Variants in KLHL4 observed in about 807,000 individuals in gnomAD.
KLHL4 encodes the protein kelch like family member 4.
In KLHL4, 17 loss-of-function variants were observed where a neutral mutation model predicts 45.8. The observed-to-expected ratio is 0.37, with a 90% CI of 0.25 to 0.56. The LOEUF (loss-of-function observed/expected upper bound fraction) is 0.56, where lower values mean the gene tolerates loss of function less well. Among genes scored for constraint, KLHL4 ranks in the 20% least tolerant of loss-of-function variants. The pLI is 0.79. For synonymous variants in KLHL4, 224 were observed against 189.9 expected (o/e 1.18, Z -1.47); for missense variants, 544 against 544.9 (o/e 1.00, Z 0.02).
intron 1 of KLHL4, among the ~76,000 whole-genome samples, chrX:87,559,378 T>G (rs1361220161): frequency 9.0e-6 from 1 of 111,587 alleles, no homozygotes; most frequent in Non-Finnish European, 1.9e-5. Flanking sequence ...GAAAATCCTG[T>G]TACGTTGACA....
At chrX:87,630,342 AT>A (rs777310235) in intron 6 of KLHL4, among the ~76,000 whole-genome samples, 2 of 109,640 alleles carry the variant, frequency 1.8e-5, no homozygotes, top group African/African-American at 3.3e-5. Flanking sequence ...TTGGGATGAA[AT>A]TTTTTTTTCT....
chrX:87,542,185 T>A (rs1172509298), intron 1 of KLHL4, among the ~76,000 whole-genome samples: 1 of 112,229 alleles, frequency 8.9e-6, no homozygotes, highest in Admixed American at 9.5e-5. Context: ...TTGGAACTTA[T>A]GTTTAAAAGG....
At position 87,570,867 on chromosome X, in the gene KLHL4, G is replaced by T. The variant is rs778952136; in HGVS notation, c.423-43010G>T. ...AATATTTGGGAGGTAGGATTAAATG[G>T]AATTTGGCAGTATGTCAGGAAAGAT... is the stretch of plus-strand genomic sequence containing the variant. On this transcript the variant is annotated intron_variant, in intron 1 of 10. Transcript: ENST00000373119. 3.6e-5 allele frequency among the ~76,000 whole-genome samples: 4 copies of T among 110,416 alleles called. No individual in the cohort carries two copies. The South Asian group carries it at 1.5e-3, about 42-fold the overall frequency.
intron 1 of KLHL4, among the ~76,000 whole-genome samples, chrX:87,611,236 A>T: frequency 9.0e-6 from 1 of 111,727 alleles, no homozygotes; most frequent in Non-Finnish European, 1.9e-5. Context: ...TAACCACAAA[A>T]ATATTAAAGA....
At chrX:87,533,996 C>A (rs1410022549) in intron 1 of KLHL4, among the ~76,000 whole-genome samples, 3 of 111,154 alleles carry the variant, frequency 2.7e-5, no homozygotes, top group Non-Finnish European at 5.7e-5. Flanking sequence ...GTCAAGACCA[C>A]AAAACCGGAA....
intron 1 of KLHL4, among the ~76,000 whole-genome samples, chrX:87,570,380 A>G (rs374461221): frequency 9.0e-6 from 1 of 110,567 alleles, no homozygotes; most frequent in African/African-American, 3.3e-5. Flanking sequence ...TGAGGATTAT[A>G]GAAACAAACA....
At chrX:87,574,844 G>C (rs1346281740) in intron 1 of KLHL4, among the ~76,000 whole-genome samples, 1 of 111,695 alleles carries the variant, frequency 9.0e-6, no homozygotes, top group Non-Finnish European at 1.9e-5. Flanking sequence ...TGCAGTGTTG[G>C]TGATATAACG....
intron 1 of KLHL4, among the ~76,000 whole-genome samples, chrX:87,519,352 T>G (rs1207671683): frequency 8.9e-6 from 1 of 112,071 alleles, no homozygotes; most frequent in Non-Finnish European, 1.9e-5. Flanking sequence ...GAAGAAGGAC[T>G]GGCAGATTTG....
intron 1 of KLHL4, among the ~76,000 whole-genome samples, chrX:87,570,291 A>G (rs1055100143): frequency 9.0e-6 from 1 of 111,171 alleles, no homozygotes; most frequent in African/African-American, 3.2e-5. Context: ...ATCTTTATAT[A>G]GGCATATGTC....
intron 1 of KLHL4, among the ~76,000 whole-genome samples, chrX:87,579,685 T>C (rs1352049110): frequency 8.9e-6 from 1 of 111,987 alleles, no homozygotes; most frequent in South Asian, 3.7e-4. Flanking sequence ...GGATGATATA[T>C]TCAATGTGTT....
chrX:87,525,219 TG>T lies in KLHL4; in HGVS notation c.422+6907del, dbSNP rs1196333019. Among the ~76,000 whole-genome samples, 3 of 111,709 alleles carry T rather than the reference TG, an allele frequency of 2.7e-5. No individual in the cohort carries two copies. In the South Asian group the frequency reaches 1.1e-3, roughly 41 times the overall value. ...CTGTAGCAACTAATTAAATCACAGT[TG>T]GGTATAACAGAAAAACTTATTTTTT... On this transcript the variant is annotated intron_variant, in intron 1 of 10. Coordinates refer to ENST00000373119, the MANE Select transcript of KLHL4 (RefSeq NM_019117.5).
chrX:87,536,342 G>T (rs1010990783), intron 1 of KLHL4, among the ~76,000 whole-genome samples: 1 of 110,763 alleles, frequency 9.0e-6, no homozygotes, highest in Non-Finnish European at 1.9e-5. Context: ...GACTTTTAAA[G>T]TTACCTTGCA....
At chrX:87,519,843 C>T (rs1930967271) in intron 1 of KLHL4, among the ~76,000 whole-genome samples, 1 of 111,422 alleles carries the variant, frequency 9.0e-6, no homozygotes, top group African/African-American at 3.3e-5. Flanking sequence ...AACTTTGGAA[C>T]AAAATTATTT....
At chrX:87,539,628 C>A (rs1374450174) in intron 1 of KLHL4, among the ~76,000 whole-genome samples, 3 of 110,491 alleles carry the variant, frequency 2.7e-5, no homozygotes, top group African/African-American at 9.8e-5. Context: ...TTAGCCATTA[C>A]CAACATCTGA....
chrX:87,633,732 T>A lies in KLHL4; in HGVS notation c.1550-17T>A. Reference sequence around the variant, plus strand: ...GGCATACCTAGGTGAACCCACATATTATTTTAATTTTTTTAGGTGTAGCCA... The same window carrying A: ...GGCATACCTAGGTGAACCCACATATAATTTTAATTTTTTTAGGTGTAGCCA... On this transcript the variant is annotated splice_polypyrimidine_tract_variant and intron_variant, in intron 7 of 10. Coordinates refer to ENST00000373119, the MANE Select transcript of KLHL4 (RefSeq NM_019117.5). The A allele has an allele frequency of 8.6e-7, 1 of 1,162,837 alleles. No individual in the cohort carries two copies. The highest frequency in any genetic ancestry group is 1.2e-6 in the Non-Finnish European group (1 of 867,318).
rs775050850 is a variant in KLHL4, at chrX:87,629,987, A to C, written c.1325-2223A>C. On this transcript the variant is annotated intron_variant, in intron 6 of 10. Transcript: ENST00000373119. ...GTCAAATCCATGTTATCAGTGAAGG[A>C]GGCAATAATGAAAGAGAAAGAGTAA... is the stretch of plus-strand genomic sequence containing the variant. Among the ~76,000 whole-genome samples, 5 of 111,874 alleles carry C rather than the reference A, an allele frequency of 4.5e-5. No homozygotes were observed. In the South Asian group the frequency reaches 1.5e-3, roughly 33 times the overall value.
chrX:87,655,814 C>A (rs976139591), intron 9 of KLHL4, among the ~76,000 whole-genome samples: 1 of 111,794 alleles, frequency 8.9e-6, no homozygotes, highest in Non-Finnish European at 1.9e-5. Context: ...TTTATTATGG[C>A]AAGTATTGAA....
chrX:87,619,063 C>G (rs1922659698), intron 4 of KLHL4, among the ~76,000 whole-genome samples: 1 of 110,813 alleles, frequency 9.0e-6, no homozygotes. Context: ...TAAAAATAAA[C>G]TTTTTTAACC....
chrX:87,526,074 TC>T (rs1411840101), intron 1 of KLHL4, among the ~76,000 whole-genome samples: 1 of 112,025 alleles, frequency 8.9e-6, no homozygotes, highest in Non-Finnish European at 1.9e-5. Context: ...CTATTACATT[TC>T]TTGTCTACCC....
Sources: gnomAD v4.1 joint callset for allele counts (sites outside exome capture counted in the v4.1 genomes callset) on GRCh38, gnomAD v4.1.1 for gene constraint, MANE v1.5 for transcripts, NCBI Gene and HGNC (gene_info 2026-07-23, HGNC 2026-07-21) for gene names.